USP47: variants seen among roughly 807,000 people sequenced by gnomAD.
USP47 encodes the protein ubiquitin specific peptidase 47, also known as ubiquitin carboxyl-terminal hydrolase 47.
Under a neutral mutation model 165.1 loss-of-function variants are expected in USP47, and 35 were observed. That is an observed-to-expected ratio of 0.21 (90% confidence interval 0.16 to 0.28). The LOEUF is 0.28. Ranked by LOEUF, USP47 falls within the 10% of genes least tolerant of loss-of-function variation. The probability of loss-of-function intolerance (pLI) is 1.00; values close to 1 mark genes in which losing one functional copy is unlikely to be tolerated. For synonymous variants in USP47, 531 were observed against 544.5 expected (o/e 0.98, Z 0.35); for missense variants, 1,277 against 1,607.4 (o/e 0.79, Z 3.52).
chr11:11,929,103 G>A (rs1854468737), intron 11 of USP47, among the ~76,000 whole-genome samples: 1 of 151,874 alleles, frequency 6.6e-6, no homozygotes, highest in African/African-American at 2.4e-5. Context: ...GTGTATTTTA[G>A]AACAGCACTG....
At chr11:11,848,616 T>A (rs1454064057) in intron 1 of USP47, among the ~76,000 whole-genome samples, 1 of 150,420 alleles carries the variant, frequency 6.6e-6, no homozygotes, top group African/African-American at 2.5e-5. Context: ...CATTTTTTTT[T>A]TTTTTTTTTT....
intron 3 of USP47, chr11:11,884,816 C>T: frequency 2.8e-6 from 1 of 357,846 alleles, no homozygotes; most frequent in Non-Finnish European, 5.1e-6. Flanking sequence ...ACATATACTG[C>T]TGTCTTCAAG....
intron 14 of USP47, among the ~76,000 whole-genome samples, chr11:11,932,401 T>C (rs746586458): frequency 1.8e-4 from 27 of 152,238 alleles, no homozygotes; most frequent in Middle Eastern, 3.4e-3. Flanking sequence ...ATCTTGACCA[T>C]ATAGAGAGGG....
intron 13 of USP47, 53 bp from the exon 14 acceptor site, chr11:11,930,643 A>G: frequency 7.7e-7 from 1 of 1,299,560 alleles, no homozygotes; most frequent in Non-Finnish European, 1.1e-6. Flanking sequence ...TTAGAAGTGG[A>G]ATCTTTTTAA....
At chr11:11,854,086 G>T (rs1458197232) in intron 1 of USP47, among the ~76,000 whole-genome samples, 1 of 139,486 alleles carries the variant, frequency 7.2e-6, no homozygotes, top group Non-Finnish European at 1.6e-5. Context: ...AGTGAACCGA[G>T]ATCGCACCAC....
chr11:11,885,821 C>A (rs553912458), intron 3 of USP47, among the ~76,000 whole-genome samples: 4 of 152,298 alleles, frequency 2.6e-5, no homozygotes, highest in African/African-American at 9.6e-5. Flanking sequence ...TCAGCAACTT[C>A]CTGCAGGTGC....
rs1854498251 is a variant in USP47 at position 11,929,531 on chromosome 11, A to G, written c.1484A>G (p.Gln495Arg). 2 of 1,613,286 alleles carry G rather than the reference A, an allele frequency of 1.2e-6. No individual in the cohort carries two copies. The highest frequency in any genetic ancestry group is 1.1e-5 in the South Asian group (1 of 91,040). ...TGTATAAAGTCATTCAGTGATGAGC[A>G]GTGGTACAGCTTCAATGATCAACAT... ...YACIKSFSDE[Q>R]WYSFNDQHVS... The change falls in exon 12 of 28, where the codon CAG becomes CGG. Residue 495 changes from glutamine to arginine, a missense_variant. Gln to Arg is a conservative substitution (Grantham distance 43). Around this residue, in one of 4 missense-constraint regions of USP47, gnomAD observed 909 missense variants for 1,068.1 expected, o/e 0.85. Transcript: ENST00000527733.
rs1309808200 is a variant in USP47, at chr11:11,959,459, G to A, written c.*3284G>A. On this transcript the variant is annotated 3_prime_UTR_variant, in exon 28 of 28. Coordinates refer to ENST00000527733, the MANE Select transcript of USP47 (RefSeq NM_001282659.2). ...AGGGAGATAGTAGGACAGTTTTTAT[G>A]AGGGTTTCAAAGGAGTTCATGGCCC... 2 of 152,186 alleles carry A rather than the reference G, an allele frequency of 1.3e-5. No homozygotes were observed. Among genetic ancestry groups the A allele is most frequent in the Admixed American group, 6.5e-5 (1 of 15,290 alleles). The allele number at this position is 152,186 out of a possible 1,614,324, so 9.4% of individuals were successfully genotyped here. A position where few individuals can be genotyped will look rare whatever the true frequency, so the allele number is the denominator to read the frequency against.
chr11:11,873,961 T>C, intron 1 of USP47: 1 of 602,726 alleles, frequency 1.7e-6, no homozygotes, highest in Non-Finnish European at 2.5e-6. Context: ...AGTTTTATGC[T>C]TGTTTGGCTA....
At chr11:11,938,130 T>A (rs1358334467) in intron 17 of USP47, 127 bp from the exon 18 acceptor site, 10 of 685,836 alleles carry the variant, frequency 1.5e-5, no homozygotes, top group Non-Finnish European at 2.4e-5. Flanking sequence ...TTATTCAGTG[T>A]TGTTTTCATC....
intron 1 of USP47, among the ~76,000 whole-genome samples, chr11:11,877,163 T>C (rs987435901): frequency 1.3e-5 from 2 of 151,568 alleles, no homozygotes; most frequent in South Asian, 2.1e-4. Flanking sequence ...AAAAAAAAAC[T>C]ATTGCCATAT....
At chr11:11,904,177 A>G (rs1322980204) in intron 7 of USP47, among the ~76,000 whole-genome samples, 1 of 152,180 alleles carries the variant, frequency 6.6e-6, no homozygotes, top group African/African-American at 2.4e-5. Context: ...GTTGCAGTGT[A>G]AATTATTTTC....
At chr11:11,940,299 C>G (rs2134764150) in intron 18 of USP47, 130 bp from the exon 19 acceptor site, 1 of 914,580 alleles carries the variant, frequency 1.1e-6, no homozygotes, top group South Asian at 3.0e-5. Flanking sequence ...AATTTTAAAA[C>G]CTCTACTAAA....
intron 1 of USP47, among the ~76,000 whole-genome samples, chr11:11,853,145 A>G (rs974140784): frequency 1.3e-5 from 2 of 152,120 alleles, no homozygotes; most frequent in Non-Finnish European, 2.9e-5. Flanking sequence ...TCTCCAGAAT[A>G]GTAGGGTATG....
At chr11:11,910,212 G>A (rs1852862667) in intron 8 of USP47, among the ~76,000 whole-genome samples, 1 of 152,122 alleles carries the variant, frequency 6.6e-6, no homozygotes, top group Non-Finnish European at 1.5e-5. Flanking sequence ...AAGACTGAAA[G>A]GTGGAGAGAA....
At chr11:11,934,953 C>T (rs1854946322) in intron 16 of USP47, among the ~76,000 whole-genome samples, 1 of 152,052 alleles carries the variant, frequency 6.6e-6, no homozygotes, top group Non-Finnish European at 1.5e-5. Flanking sequence ...AAAAATAACA[C>T]ACAAGATAGC....
rs768144573 is a variant in USP47, at chr11:11,960,813, TTGAG to T, written c.*4640_*4643del. On this transcript the variant is annotated 3_prime_UTR_variant, in exon 28 of 28. Coordinates refer to ENST00000527733, the MANE Select transcript of USP47 (RefSeq NM_001282659.2). The stretch of plus-strand genomic sequence containing the variant: ...TCTCCAAATAGTTGAATTGCATTTC[TTGAG>T]TATCTGGAGAGGATGTGCAGACCAC... 6.6e-6 allele frequency among the ~76,000 whole-genome samples: 1 copy of T among 152,208 alleles called. No individual in the cohort carries two copies. Among genetic ancestry groups the T allele is most frequent in the Non-Finnish European group, 1.5e-5 (1 of 68,050 alleles).
At chr11:11,928,727 A>G (rs1854437267) in intron 11 of USP47, among the ~76,000 whole-genome samples, 1 of 152,056 alleles carries the variant, frequency 6.6e-6, no homozygotes, top group South Asian at 2.1e-4. Context: ...GGCTTCTGAA[A>G]GAAAAGATTG....
At chr11:11,888,372 G>T (rs1365143694) in intron 3 of USP47, among the ~76,000 whole-genome samples, 1 of 151,958 alleles carries the variant, frequency 6.6e-6, no homozygotes, top group Non-Finnish European at 1.5e-5. Context: ...GAAACGATAA[G>T]GGGGATATCA....
Sources: allele counts gnomAD v4.1 joint callset (sites outside exome capture counted in the v4.1 genomes callset), GRCh38; gene constraint gnomAD v4.1.1; regional missense constraint gnomAD v4.1.1; transcripts MANE v1.5; gene names NCBI Gene and HGNC (gene_info 2026-07-23, HGNC 2026-07-21).